Variants in NELL1 observed in about 807,000 individuals in gnomAD.
The protein encoded by NELL1 is neural EGFL like 1.
NELL1 carries 76 observed loss-of-function variants against 107.4 expected under a neutral mutation model. That is an observed-to-expected ratio of 0.71 (90% CI 0.59 to 0.86). The LOEUF (loss-of-function observed/expected upper bound fraction) is 0.86, where lower values mean the gene tolerates loss of function less well. Among genes scored for constraint, NELL1 ranks in the 40% least tolerant of loss-of-function variants. The probability of loss-of-function intolerance (pLI) is 0.00; values close to 1 mark genes in which losing one functional copy is unlikely to be tolerated. For missense variants in NELL1, 1,024 were observed against 1,005.5 expected, an observed-to-expected ratio of 1.02 and a Z score of -0.25; for synonymous variants, 353 against 341.2, an observed-to-expected ratio of 1.03 and a Z score of -0.38.
rs79393997 is a variant in NELL1 at position 21,474,553 on chromosome 11, G to A, written c.1646-59821G>A. ...GAGGAGCATATTATATTCAAGAGAG[G>A]TTGAAAATTTATGCAAGGTTGCCAG... is the stretch of plus-strand genomic sequence containing the variant. On this transcript the variant is annotated intron_variant, in intron 15 of 19. Transcript: ENST00000357134. 3.3e-3 allele frequency among the ~76,000 whole-genome samples: 507 copies of A among 152,148 alleles called. 3 individuals carry two copies. The highest frequency in any genetic ancestry group is 0.011 in the African/African-American group (474 of 41,530).
At chr11:20,766,757 G>C (rs887994046) in intron 2 of NELL1, among the ~76,000 whole-genome samples, 2 of 91,030 alleles carry the variant, frequency 2.2e-5, no homozygotes, top group African/African-American at 8.0e-5. Flanking sequence ...TTTTTTTTTT[G>C]TTTCAGACAG....
At chr11:21,437,552 T>C (rs975650473) in intron 15 of NELL1, among the ~76,000 whole-genome samples, 3 of 152,054 alleles carry the variant, frequency 2.0e-5, no homozygotes, top group African/African-American at 7.2e-5. Flanking sequence ...AGAGATGGGG[T>C]TTCTCCATGT....
intron 9 of NELL1, among the ~76,000 whole-genome samples, chr11:20,936,833 C>A (rs940512082): frequency 6.6e-6 from 1 of 152,122 alleles, no homozygotes; most frequent in Admixed American, 6.5e-5. Flanking sequence ...TTAATCAGCC[C>A]ATTTTTAGCA....
At chr11:20,706,949 C>A (rs185284542) in intron 2 of NELL1, among the ~76,000 whole-genome samples, 226 of 152,244 alleles carry the variant, frequency 1.5e-3, no homozygotes, top group African/African-American at 5.1e-3. Context: ...GGGAAGTTCT[C>A]CTGAAGAGTA....
chr11:21,324,909 G>A (rs72953412), intron 14 of NELL1, among the ~76,000 whole-genome samples: 16,866 of 152,048 alleles, frequency 0.11, 1,001 homozygotes, highest in Admixed American at 0.16. Context: ...AGAGTTATGT[G>A]TTTGTGTTTC....
At chr11:21,504,365 A>C (rs896692693) in intron 15 of NELL1, among the ~76,000 whole-genome samples, 2 of 152,176 alleles carry the variant, frequency 1.3e-5, no homozygotes, top group Admixed American at 1.3e-4. Flanking sequence ...TTATAATTTT[A>C]TGTTCTTGGA....
intron 2 of NELL1, among the ~76,000 whole-genome samples, chr11:20,683,916 A>G (rs77852830): frequency 0.037 from 5,582 of 151,282 alleles, 341 homozygotes; most frequent in African/African-American, 0.13. Flanking sequence ...CTATTTTATT[A>G]TGATGTCCCT....
At chr11:20,963,037 C>T (rs1014873182) in intron 12 of NELL1, among the ~76,000 whole-genome samples, 1 of 152,104 alleles carries the variant, frequency 6.6e-6, no homozygotes, top group Non-Finnish European at 1.5e-5. Context: ...GAGCAGATGC[C>T]TTTCTCGCAT....
At chr11:21,518,980 G>T (rs1855643906) in intron 15 of NELL1, among the ~76,000 whole-genome samples, 1 of 152,238 alleles carries the variant, frequency 6.6e-6, no homozygotes, top group Middle Eastern at 3.4e-3. Context: ...TAGCTCCAGG[G>T]TTGGTTCAGC....
intron 13 of NELL1, among the ~76,000 whole-genome samples, chr11:21,215,495 C>G (rs1001014626): frequency 6.6e-6 from 1 of 152,108 alleles, no homozygotes; most frequent in Non-Finnish European, 1.5e-5. Flanking sequence ...GAGATTGGAA[C>G]AGTTTAGAGG....
At chr11:20,979,411 A>G (rs1467805435) in intron 12 of NELL1, among the ~76,000 whole-genome samples, 1 of 152,124 alleles carries the variant, frequency 6.6e-6, no homozygotes, top group African/African-American at 2.4e-5. Context: ...GTTAGAATAA[A>G]TCATGCTACT....
chr11:20,925,299 G>A (rs1850469244), intron 7 of NELL1, among the ~76,000 whole-genome samples: 2 of 151,974 alleles, frequency 1.3e-5, no homozygotes, highest in Admixed American at 1.3e-4. Context: ...TTTATTTATT[G>A]AGATGGAGTA....
rs1216034025 is a variant in NELL1, at chr11:21,331,005, T to C, written c.1550-39848T>C. ...ACTCAAATCAGTTTTTGAGACCCTC[T>C]AGTACATTTTTCATTTCAGTTATAT... On this transcript the variant is annotated intron_variant, in intron 14 of 19. Transcript: ENST00000357134. 3.9e-5 allele frequency among the ~76,000 whole-genome samples: 6 copies of C among 152,250 alleles called. No individual in the cohort carries two copies. In the South Asian group the frequency reaches 6.2e-4, roughly 16 times the overall value.
rs189676185 is a variant in NELL1 at position 21,525,501 on chromosome 11, G to A, written c.1646-8873G>A. ...ACAAAGAGGTTCCTTAAACCTTTTA[G>A]CAGTCATTCAGCTGGTTAGCAGCAG... On this transcript the variant is annotated intron_variant, in intron 15 of 19. Transcript: ENST00000357134. 2.6e-4 allele frequency among the ~76,000 whole-genome samples: 39 copies of A among 152,342 alleles called. No homozygotes were observed. In the East Asian group the frequency reaches 4.8e-3, roughly 19 times the overall value.
At chr11:21,060,786 T>C (rs1484690636) in intron 12 of NELL1, among the ~76,000 whole-genome samples, 2 of 152,132 alleles carry the variant, frequency 1.3e-5, no homozygotes, top group Non-Finnish European at 2.9e-5. Flanking sequence ...ACTGCAACCT[T>C]CGCCTCCCAG....
intron 14 of NELL1, among the ~76,000 whole-genome samples, chr11:21,364,345 A>G (rs1209648985): frequency 3.1e-5 from 4 of 130,406 alleles, no homozygotes; most frequent in Non-Finnish European, 6.2e-5. Context: ...CATGAGACAG[A>G]GGTTGCAGTG....
intron 12 of NELL1, among the ~76,000 whole-genome samples, chr11:21,033,590 A>G (rs1395404995): frequency 1.3e-5 from 2 of 152,140 alleles, no homozygotes; most frequent in Non-Finnish European, 2.9e-5. Context: ...ATGGCTGCAT[A>G]GTATTCCATA....
intron 12 of NELL1, among the ~76,000 whole-genome samples, chr11:20,970,412 G>C (rs1006512196): frequency 6.6e-6 from 1 of 151,792 alleles, no homozygotes; most frequent in African/African-American, 2.4e-5. Context: ...GCCATAGATC[G>C]TATCCTCAAG....
chr11:20,978,240 G>A (rs1851679007), intron 12 of NELL1, among the ~76,000 whole-genome samples: 1 of 152,164 alleles, frequency 6.6e-6, no homozygotes, highest in South Asian at 2.1e-4. Flanking sequence ...GACAAAAGAT[G>A]ACAATGTTGC....
Sources: allele counts gnomAD v4.1 joint callset (sites outside exome capture counted in the v4.1 genomes callset), GRCh38; gene constraint gnomAD v4.1.1; transcripts MANE v1.5; gene names NCBI Gene and HGNC (gene_info 2026-07-23, HGNC 2026-07-21).